CEP295: variants seen among roughly 807,000 people sequenced by gnomAD.
The protein encoded by CEP295 is centrosomal protein 295.
A neutral mutation model predicts 291.6 loss-of-function variants in CEP295; 190 were observed. The ratio of observed to expected loss-of-function variants is 0.65; its 90% CI spans 0.58 to 0.73. CEP295 has a LOEUF of 0.73. CEP295 is among the 30% of genes least tolerant of loss of function. CEP295 has a pLI of 0.00. For missense variants in CEP295, 2,863 were observed against 2,949.4 expected, an observed-to-expected ratio of 0.97 and a Z score of 0.68; for synonymous variants, 993 against 1,038.8, an observed-to-expected ratio of 0.96 and a Z score of 0.85.
At chr11:93,707,334 C>G (rs1952569495) in intron 18 of CEP295, among the ~76,000 whole-genome samples, 3 of 151,948 alleles carry the variant, frequency 2.0e-5, no homozygotes, top group African/African-American at 7.3e-5. Flanking sequence ...CCAAAGACAG[C>G]CAATGTTAAT....
At chr11:93,724,437 C>T in intron 22 of CEP295, 62 bp downstream of exon 22, 1 of 1,471,512 alleles carries the variant, frequency 6.8e-7, no homozygotes. Flanking sequence ...GCCATTTCTT[C>T]TACTGGAACA....
At chr11:93,669,246 A>T (rs926640640) in intron 4 of CEP295, among the ~76,000 whole-genome samples, 1 of 152,102 alleles carries the variant, frequency 6.6e-6, no homozygotes, top group Non-Finnish European at 1.5e-5. Context: ...TGAAATAAAA[A>T]TTGATGTGAT....
In CEP295 at chr11:93,724,282, T is replaced by G. The variant is rs759526175; in HGVS notation, c.6225T>G (p.His2075Gln). The change falls in exon 22 of 30, where the codon CAT becomes CAG. Residue 2075 changes from histidine to glutamine, a missense_variant. Physicochemically the swap from His to Gln is conservative, Grantham distance 24 (BLOSUM62 0). This residue lies in a region of CEP295 where 2,295 missense variants were observed against 2,335.7 expected (regional missense o/e 0.98). Transcript: ENST00000325212. ...QELEHIFPNLHHQLFKPLEPH... is the reference protein window; with the variant it reads ...QELEHIFPNLQHQLFKPLEPH... Reference sequence around the variant, plus strand: ...TGGAACACATTTTTCCTAATTTGCATCATCAGCTGTTTAAACCCTTAGAAC... The same window carrying G: ...TGGAACACATTTTTCCTAATTTGCAGCATCAGCTGTTTAAACCCTTAGAAC... The G allele has an allele frequency of 1.2e-5, 19 of 1,550,598 alleles. No individual in the cohort carries two copies. The East Asian group carries it at 4.6e-4, about 38-fold the overall frequency.
intron 15 of CEP295, 87 bp downstream of exon 15, chr11:93,700,273 T>C (rs1217504059): frequency 4.9e-6 from 6 of 1,224,398 alleles, no homozygotes; most frequent in Non-Finnish European, 6.7e-6. Context: ...TTTTCAGTTA[T>C]TGAGAAAAAG....
rs1951910356 is a variant in CEP295 at position 93,697,595 on chromosome 11, G to A, written c.2683G>A (p.Asp895Asn). 6.4e-7 allele frequency: 1 copy of A among 1,551,674 alleles called. No homozygotes were observed. Among genetic ancestry groups the A allele is most frequent in the African/African-American group, 1.4e-5 (1 of 73,056 alleles). Reference sequence around the variant, plus strand: ...GGTATTCCTTCCCTTGGTAACTCCAGATTCATCTGCTTTATTGCCTTCTGC... The same window carrying A: ...GGTATTCCTTCCCTTGGTAACTCCAAATTCATCTGCTTTATTGCCTTCTGC... ...LSVFLPLVTPDSSALLPSAKA... is the reference protein window; with the variant it reads ...LSVFLPLVTPNSSALLPSAKA... Residue 895 changes from aspartate (D) to asparagine (N), a missense_variant, in exon 15 of 30, where the codon GAT becomes AAT. Around this residue, in one of 3 missense-constraint regions of CEP295, gnomAD observed 2,295 missense variants for 2,335.7 expected, o/e 0.98. Coordinates refer to ENST00000325212, the MANE Select transcript of CEP295 (RefSeq NM_033395.2).
At position 93,677,226 on chromosome 11, in the gene CEP295, G is replaced by A. The variant is rs1357885360; in HGVS notation, c.624+1560G>A. Among the ~76,000 whole-genome samples the A allele has an allele frequency of 2.0e-5, 3 of 152,014 alleles. No homozygotes were observed. The East Asian group carries it at 5.8e-4, about 29-fold the overall frequency. ...CAATAATTTTAGCATCTTCCCTGGA[G>A]GAGTACGATATGATCTTTACAGCAG... On this transcript the variant is annotated intron_variant, in intron 6 of 29. Coordinates refer to ENST00000325212, the MANE Select transcript of CEP295 (RefSeq NM_033395.2).
At chr11:93,722,909 C>G in intron 20 of CEP295, 132 bp from the exon 21 acceptor site, 2 of 647,548 alleles carry the variant, frequency 3.1e-6, no homozygotes, top group Non-Finnish European at 5.2e-6. Flanking sequence ...TGGGGTTTCA[C>G]CATGTTGGCG....
chr11:93,684,425 G>C (rs1424186997), intron 9 of CEP295, among the ~76,000 whole-genome samples: 1 of 152,150 alleles, frequency 6.6e-6, no homozygotes, highest in East Asian at 1.9e-4. Flanking sequence ...ATATCTGATA[G>C]CAATAACTTA....
In CEP295 at chr11:93,727,441, G is replaced by T; in HGVS notation, c.6965G>T (p.Arg2322Leu). 6.4e-7 allele frequency: 1 copy of T among 1,551,856 alleles called. No individual in the cohort carries two copies. The highest frequency in any genetic ancestry group is 2.4e-5 in the East Asian group (1 of 40,874). ...CCACAGGTAGAGGAAACTGACTCTC[G>T]ATTATGTGTAAGAACAGTGGAGATG... Reference protein sequence around the residue: ...INPQVEETDSRLCVRTVEMGT... With the variant: ...INPQVEETDSLLCVRTVEMGT... The change falls in exon 24 of 30, where the codon CGA becomes CTA. Residue 2322 changes from arginine (R) to leucine (L), a missense_variant. Transcript: ENST00000325212.
intron 18 of CEP295, among the ~76,000 whole-genome samples, chr11:93,710,294 A>G (rs1168132283): frequency 6.6e-6 from 1 of 152,074 alleles, no homozygotes. Flanking sequence ...TTATTGTGTT[A>G]TGTTCCTTCT....
chr11:93,703,790 A>G, intron 17 of CEP295, among the ~76,000 whole-genome samples: 1 of 139,362 alleles, frequency 7.2e-6, no homozygotes, highest in African/African-American at 2.7e-5. Flanking sequence ...TTTTTTTGAG[A>G]CAGAGTCTCG....
chr11:93,693,626 C>T (rs1047920917), intron 12 of CEP295, among the ~76,000 whole-genome samples: 6 of 152,006 alleles, frequency 3.9e-5, no homozygotes, highest in Admixed American at 6.6e-5. Context: ...CGTGGTGGTA[C>T]GCACCCACAA....
Position 93,691,678 on chromosome 11 carries a change from T to TA in CEP295, c.1337-4dup. ...TCAAAATAACAGTGGTATTATCTAT[T>TA]ACAGTTGTTGAAAGTGATACACTAA... On this transcript the variant is annotated splice_region_variant and splice_polypyrimidine_tract_variant and intron_variant, in intron 10 of 29. Transcript: ENST00000325212. The TA allele has an allele frequency of 6.6e-7, 1 of 1,503,836 alleles. No individual in the cohort carries two copies. The highest frequency in any genetic ancestry group is 9.0e-7 in the Non-Finnish European group (1 of 1,110,022). The allele number at this position is 1,503,836 out of a possible 1,614,324, so 93.2% of individuals were successfully genotyped here.
At chr11:93,693,071 A>T (rs1341618958) in intron 12 of CEP295, among the ~76,000 whole-genome samples, 3 of 149,086 alleles carry the variant, frequency 2.0e-5, no homozygotes, top group Admixed American at 6.8e-5. Context: ...AGGTCAGGAG[A>T]TAGAGACCAT....
intron 13 of CEP295, 93 bp from the exon 14 acceptor site, chr11:93,696,227 T>C (rs148263023): frequency 7.4e-6 from 5 of 677,156 alleles, no homozygotes; most frequent in African/African-American, 5.5e-5. Context: ...AATAAAGCTG[T>C]ATGGAAGTTT....
In CEP295 at chr11:93,706,820, C is replaced by G. The variant is rs1952541017; in HGVS notation, c.5672C>G (p.Pro1891Arg). The change falls in exon 18 of 30, where the codon CCA becomes CGA. Residue 1891 changes from proline to arginine, a missense_variant. Pro to Arg is a moderately radical substitution (Grantham distance 103). Around this residue, in one of 3 missense-constraint regions of CEP295, gnomAD observed 2,295 missense variants for 2,335.7 expected, o/e 0.98. Transcript: ENST00000325212. ...CGAGAACAAAGTTTCTTTGGGAGCC[C>G]ACTGGCCCATGATCCGTTTAGTTGT... ...ISREQSFFGS[P>R]LAHDPFSCLQ... 6.4e-7 allele frequency: 1 copy of G among 1,550,450 alleles called. No homozygotes were observed. Among genetic ancestry groups the G allele is most frequent in the African/African-American group, 1.4e-5 (1 of 73,006 alleles).
At chr11:93,693,860 A>T (rs1463745359) in intron 12 of CEP295, among the ~76,000 whole-genome samples, 2 of 152,270 alleles carry the variant, frequency 1.3e-5, no homozygotes, top group Non-Finnish European at 2.9e-5. Flanking sequence ...ATCTATGTAC[A>T]GTATGTACCT....
chr11:93,711,428 T>C (rs992380001), intron 18 of CEP295, among the ~76,000 whole-genome samples: 1 of 152,250 alleles, frequency 6.6e-6, no homozygotes, highest in African/African-American at 2.4e-5. Context: ...ATCTTGTTAC[T>C]GATTTCTAGT....
intron 7 of CEP295, 33 bp from the exon 8 acceptor site, chr11:93,683,525 AC>A (rs780016355): frequency 1.4e-6 from 2 of 1,440,584 alleles, no homozygotes; most frequent in South Asian, 2.9e-5. Context: ...AAAGTTTGTG[AC>A]TCAGTTTTTG....
Sources: allele counts gnomAD v4.1 joint callset (sites outside exome capture counted in the v4.1 genomes callset), GRCh38; gene constraint gnomAD v4.1.1; regional missense constraint gnomAD v4.1.1; transcripts MANE v1.5; gene names NCBI Gene and HGNC (gene_info 2026-07-23, HGNC 2026-07-21).